Variants in ARFGEF1 observed in about 807,000 individuals in gnomAD.
The protein encoded by ARFGEF1 is brefeldin A-inhibited guanine nucleotide-exchange protein 1.
A neutral mutation model predicts 231.0 loss-of-function variants in ARFGEF1; 42 were observed. The observed-to-expected ratio is 0.18, with a 90% confidence interval of 0.14 to 0.24. The LOEUF is 0.24. Ranked by LOEUF, ARFGEF1 falls within the 10% of genes least tolerant of loss-of-function variation. The probability of loss-of-function intolerance (pLI) is 1.00; values close to 1 mark genes in which losing one functional copy is unlikely to be tolerated. For missense variants in ARFGEF1, 1,345 were observed against 2,192.0 expected, an observed-to-expected ratio of 0.61 and a Z score of 7.72; for synonymous variants, 710 against 732.3, an observed-to-expected ratio of 0.97 and a Z score of 0.49.
intron 5 of ARFGEF1, chr8:67,179,738 C>G (rs1832567915): frequency 1.5e-6 from 1 of 655,498 alleles, no homozygotes; most frequent in Non-Finnish European, 2.7e-6. Context: ...GTAGTCAGTC[C>G]TACCTCTACC....
intron 1 of ARFGEF1, among the ~76,000 whole-genome samples, chr8:67,306,765 TTTTG>T (rs138098110): frequency 0.015 from 2,325 of 152,146 alleles, 63 homozygotes; most frequent in African/African-American, 0.053. Context: ...AAATGGATAG[TTTTG>T]TTTGTTTGTT....
intron 10 of ARFGEF1, among the ~76,000 whole-genome samples, chr8:67,268,464 C>T (rs938946384): frequency 6.6e-6 from 1 of 152,144 alleles, no homozygotes; most frequent in African/African-American, 2.4e-5. Flanking sequence ...AATTCTGAGG[C>T]AAAATTCAGA....
intron 1 of ARFGEF1, among the ~76,000 whole-genome samples, chr8:67,334,745 G>A (rs1189816645): frequency 6.6e-6 from 1 of 152,070 alleles, no homozygotes; most frequent in Non-Finnish European, 1.5e-5. Context: ...AATGAAGTGT[G>A]GATACAAACT....
chr8:67,241,180 T>C (rs1219142567), intron 19 of ARFGEF1, among the ~76,000 whole-genome samples: 1 of 152,180 alleles, frequency 6.6e-6, no homozygotes, highest in Non-Finnish European at 1.5e-5. Flanking sequence ...CTTCAGAAAG[T>C]TGAGAAGTAA....
At chr8:67,200,709 A>C (rs1408616829) in intron 37 of ARFGEF1, among the ~76,000 whole-genome samples, 196 bp from the exon 38 acceptor site, 2 of 152,212 alleles carry the variant, frequency 1.3e-5, no homozygotes, top group African/African-American at 2.4e-5. Flanking sequence ...ATGTTAAAAG[A>C]AGCCATTGTA....
chr8:67,314,389 T>C (rs1177047052), intron 1 of ARFGEF1, among the ~76,000 whole-genome samples: 4 of 152,182 alleles, frequency 2.6e-5, no homozygotes, highest in Admixed American at 2.0e-4. Context: ...GATGGATCCC[T>C]GTGATGCCAG....
chr8:67,343,436 G>GGGGC lies in ARFGEF1; in HGVS notation c.-153_-150dup. On this transcript the variant is annotated 5_prime_UTR_variant, in exon 1 of 39. Coordinates refer to ENST00000262215, the MANE Select transcript of ARFGEF1 (RefSeq NM_006421.5). ...TGGAGGGCAGCGGCAGGATCAGGAA[G>GGGGC]GGGCGGGCGAGCGGGACCAGCCGCG... The GGGGC allele has an allele frequency of 7.2e-7, 1 of 1,390,826 alleles. No individual in the cohort carries two copies. The highest frequency in any genetic ancestry group is 9.4e-7 in the Non-Finnish European group (1 of 1,068,594). 86.2% of individuals were successfully genotyped at this position (1,390,826 alleles called of 1,614,324 possible).
intron 7 of ARFGEF1, among the ~76,000 whole-genome samples, chr8:67,286,026 G>A (rs187752757): frequency 6.6e-6 from 1 of 152,212 alleles, no homozygotes; most frequent in East Asian, 1.9e-4. Flanking sequence ...GGAAAACTGG[G>A]AACACTGAAA....
At chr8:67,295,793 T>G (rs1587247652) in intron 5 of ARFGEF1, among the ~76,000 whole-genome samples, 1 of 152,162 alleles carries the variant, frequency 6.6e-6, no homozygotes, top group Non-Finnish European at 1.5e-5. Flanking sequence ...TTGTACTATG[T>G]AGGTATGTAA....
At chr8:67,224,780 AAT>A (rs1839316118) in intron 29 of ARFGEF1, 121 bp downstream of exon 29, 1 of 538,346 alleles carries the variant, frequency 1.9e-6, no homozygotes, top group African/African-American at 2.0e-5. Context: ...CCTAATAATT[AAT>A]ATATTTGACA....
chr8:67,202,080 C>T lies in ARFGEF1; in HGVS notation c.5129-475G>A, dbSNP rs62513127. 4.8e-3 allele frequency among the ~76,000 whole-genome samples: 735 copies of T among 152,262 alleles called. 2 individuals are homozygous for T. Among genetic ancestry groups the T allele is most frequent in the Middle Eastern group, 0.017 (5 of 294 alleles). On this transcript the variant is annotated intron_variant, in intron 36 of 38. Transcript: ENST00000262215. The stretch of plus-strand genomic sequence containing the variant: ...GAAAAATAAGTACAGACTACTCTTT[C>T]CAGAAGTTAGGTTGTAAAGGAAAGA...
At position 67,238,241 on chromosome 8, in the gene ARFGEF1, G is replaced by A; in HGVS notation, c.3289+102C>T. ...CTTTTTCTCATAAGGTTAGACAAAA[G>A]GCATTTTATCTTCTCCTTCTAATTA... On this transcript the variant is annotated intron_variant, in intron 22 of 38. Transcript: ENST00000262215. The A allele has an allele frequency of 3.2e-6, 4 of 1,236,974 alleles. No individual in the cohort carries two copies. The South Asian group carries it at 6.7e-5, about 21-fold the overall frequency. 76.6% of individuals were successfully genotyped at this position (1,236,974 alleles called of 1,614,324 possible).
intron 1 of ARFGEF1, among the ~76,000 whole-genome samples, chr8:67,339,790 T>TGGGGTGG (rs1479485264): frequency 0.012 from 5 of 422 alleles, no homozygotes; most frequent in African/African-American, 0.025. Flanking sequence ...TGTAACAGTG[T>TGGGGTGG]GGGGCGGGGG....
At chr8:67,279,366 AT>A (rs1805443775) in intron 7 of ARFGEF1, among the ~76,000 whole-genome samples, 1 of 152,126 alleles carries the variant, frequency 6.6e-6, no homozygotes, top group Non-Finnish European at 1.5e-5. Flanking sequence ...ACAAAAATAC[AT>A]CTCTTCCTGC....
rs758825560 is a variant in ARFGEF1, at chr8:67,190,727, C to T, written c.560+9669G>A. 1.3e-5 allele frequency: 21 copies of T among 1,613,236 alleles called. No individual in the cohort carries two copies. Among genetic ancestry groups the T allele is most frequent in the South Asian group, 4.4e-5 (4 of 91,068 alleles). On this transcript the variant is annotated intron_variant, in intron 5 of 5. Transcript: ENST00000518789. ...ATCACAGTTGCCCTCTGCACGGGAG[C>T]GCAGGAGGAACAAATGGAAAGGACT... is the stretch of plus-strand genomic sequence containing the variant.
At chr8:67,186,963 T>A (rs1320905698) in intron 5 of ARFGEF1, among the ~76,000 whole-genome samples, 2 of 144,578 alleles carry the variant, frequency 1.4e-5, no homozygotes, top group East Asian at 4.1e-4. Context: ...GGTATAAATC[T>A]ATCTATCATC....
intron 5 of ARFGEF1, among the ~76,000 whole-genome samples, chr8:67,178,315 G>GT (rs140101178): frequency 0.017 from 2,665 of 152,290 alleles, 32 homozygotes; most frequent in Middle Eastern, 0.044. Flanking sequence ...ACACCCACCT[G>GT]TATCCTGAGG....
Position 67,227,482 on chromosome 8 carries a change from G to A in ARFGEF1, c.3708C>T (p.Phe1236=), listed in dbSNP as rs1164992771. The change falls in exon 26 of 39, where the codon TTC becomes TTT. Residue 1236 remains phenylalanine (F), a synonymous_variant. Transcript: ENST00000262215. ...TCATTATATGTTCAAAAGGTCTTAA[G>A]AAATCCTTCTGGAATCTGAAGTTAG... The part of the protein sequence containing the change: ...ELANFRFQKD[F]LRPFEHIMKR... 1 of 1,612,846 alleles carries A rather than the reference G, an allele frequency of 6.2e-7. No individual in the cohort carries two copies. Among genetic ancestry groups the A allele is most frequent in the Non-Finnish European group, 8.5e-7 (1 of 1,179,318 alleles).
chr8:67,327,937 T>C (rs899386977), intron 1 of ARFGEF1, among the ~76,000 whole-genome samples: 1 of 152,186 alleles, frequency 6.6e-6, no homozygotes, highest in African/African-American at 2.4e-5. Context: ...TTTTATTAAT[T>C]ATAAACAGCA....
Sources: gnomAD v4.1 joint callset for allele counts (sites outside exome capture counted in the v4.1 genomes callset) on GRCh38, gnomAD v4.1.1 for gene constraint, MANE v1.5 for transcripts, NCBI Gene and HGNC (gene_info 2026-07-23, HGNC 2026-07-21) for gene names.